The following SUSD4 variants were observed in gnomAD, a reference collection of about 807,000 sequenced individuals.
The protein encoded by SUSD4 is sushi domain containing 4.
Under a neutral mutation model 50.5 loss-of-function variants are expected in SUSD4, and 41 were observed. That is an observed-to-expected ratio of 0.81 (90% confidence interval 0.63 to 1.05). The LOEUF is 1.05. SUSD4 is among the 50% of genes least tolerant of loss of function. The pLI is 0.00. For synonymous variants in SUSD4, 257 were observed against 257.3 expected (o/e 1.00, Z 0.01); for missense variants, 580 against 634.7 (o/e 0.91, Z 0.93).
In SUSD4 at chr1:223,263,846, A is replaced by G. The variant is rs570305658; in HGVS notation, c.724+784T>C. 8.3e-5 allele frequency: 82 copies of G among 985,474 alleles called. No individual in the cohort carries two copies. In the Admixed American group the frequency reaches 1.7e-3, roughly 21 times the overall value. The allele number at this position is 985,474 out of a possible 1,614,324, so 61.0% of individuals were successfully genotyped here. The stretch of plus-strand genomic sequence containing the variant: ...TTGTTTCCCAAACAAGGCTGCAAAT[A>G]GGCTTTGAAGCGGCTCCTGACTTGA... On this transcript the variant is annotated intron_variant, in intron 5 of 8. Coordinates refer to ENST00000366878, the MANE Select transcript of SUSD4 (RefSeq NM_017982.4).
intron 5 of SUSD4, among the ~76,000 whole-genome samples, chr1:223,236,821 G>A (rs976197786): frequency 6.6e-6 from 1 of 152,026 alleles, no homozygotes; most frequent in African/African-American, 2.4e-5. Flanking sequence ...TCAATATTGT[G>A]TTGGCTATTC....
At chr1:223,336,102 C>T (rs768359044) in intron 2 of SUSD4, among the ~76,000 whole-genome samples, 6 of 151,860 alleles carry the variant, frequency 4.0e-5, no homozygotes, top group South Asian at 2.1e-4. Flanking sequence ...GACAGGCATG[C>T]GCCACCACGC....
chr1:223,335,050 C>A (rs1341376652), intron 2 of SUSD4, among the ~76,000 whole-genome samples: 1 of 152,188 alleles, frequency 6.6e-6, no homozygotes, highest in Non-Finnish European at 1.5e-5. Flanking sequence ...TGCCATTAAT[C>A]CATTCCTTTT....
chr1:223,280,969 A>G (rs1312040216), intron 3 of SUSD4, among the ~76,000 whole-genome samples: 4 of 152,226 alleles, frequency 2.6e-5, no homozygotes, highest in African/African-American at 9.6e-5. Context: ...AAACTGAACA[A>G]CCTGCTCCTG....
chr1:223,255,639 T>C (rs1661632978), intron 5 of SUSD4, among the ~76,000 whole-genome samples: 1 of 152,166 alleles, frequency 6.6e-6, no homozygotes, highest in Non-Finnish European at 1.5e-5. Flanking sequence ...AAGCATTACC[T>C]AACCTTGTAT....
chr1:223,289,187 T>C, intron 3 of SUSD4: 1 of 985,406 alleles, frequency 1.0e-6, no homozygotes, highest in Non-Finnish European at 1.2e-6. Flanking sequence ...GGGTCTCCTC[T>C]CCACCATATA....
intron 7 of SUSD4, among the ~76,000 whole-genome samples, chr1:223,225,249 C>T (rs1400833427): frequency 6.6e-6 from 1 of 152,018 alleles, no homozygotes; most frequent in African/African-American, 2.4e-5. Flanking sequence ...GAAGAGAAGA[C>T]CCAGCTGGGT....
chr1:223,311,822 C>G (rs1665894103), intron 2 of SUSD4, among the ~76,000 whole-genome samples: 1 of 152,176 alleles, frequency 6.6e-6, no homozygotes, highest in South Asian at 2.1e-4. Context: ...ACAGAAAAAT[C>G]TGCACTGAGA....
chr1:223,288,659 T>C (rs1313151344), intron 3 of SUSD4, among the ~76,000 whole-genome samples: 1 of 152,188 alleles, frequency 6.6e-6, no homozygotes, highest in Non-Finnish European at 1.5e-5. Flanking sequence ...ACCCAAAAGA[T>C]GCTTAAGTAA....
chr1:223,345,457 G>A (rs1319510806), intron 2 of SUSD4, among the ~76,000 whole-genome samples: 1 of 151,976 alleles, frequency 6.6e-6, no homozygotes, highest in Non-Finnish European at 1.5e-5. Context: ...CTCTGATCAT[G>A]CGCTTATTAA....
At chr1:223,298,744 T>A (rs983668193) in intron 2 of SUSD4, among the ~76,000 whole-genome samples, 1 of 152,206 alleles carries the variant, frequency 6.6e-6, no homozygotes. Context: ...AAATAAATGA[T>A]GAGAGTTTCA....
intron 5 of SUSD4, among the ~76,000 whole-genome samples, chr1:223,251,374 T>C (rs1427514750): frequency 1.3e-5 from 2 of 152,140 alleles, no homozygotes; most frequent in Non-Finnish European, 2.9e-5. Flanking sequence ...CCAGATTTCA[T>C]GTGAACTCAG....
At chr1:223,257,971 C>T (rs1312404185) in intron 5 of SUSD4, among the ~76,000 whole-genome samples, 5 of 152,132 alleles carry the variant, frequency 3.3e-5, no homozygotes, top group East Asian at 1.9e-4. Flanking sequence ...ATTTGTAAAA[C>T]GGGAGCAGCC....
rs191492908 is a variant in SUSD4 at position 223,288,842 on chromosome 1, A to C, written c.361+3597T>G. 1.8e-3 allele frequency among the ~76,000 whole-genome samples: 272 copies of C among 152,262 alleles called. 1 individual carries two copies. The highest frequency in any genetic ancestry group is 0.017 in the Middle Eastern group (5 of 294). Reference sequence around the variant, plus strand: ...TAATTCTTTATGATGTACAAACCGAAGTTCATCACCACACAAAGTCTGACT... The same window carrying C: ...TAATTCTTTATGATGTACAAACCGACGTTCATCACCACACAAAGTCTGACT... On this transcript the variant is annotated intron_variant, in intron 3 of 8. Coordinates refer to ENST00000366878, the MANE Select transcript of SUSD4 (RefSeq NM_017982.4).
chr1:223,362,554 G>T (rs1292792417), intron 2 of SUSD4, among the ~76,000 whole-genome samples: 2 of 152,068 alleles, frequency 1.3e-5, no homozygotes, highest in African/African-American at 4.8e-5. Context: ...AACCAAATAT[G>T]TTATAGATTA....
intron 2 of SUSD4, among the ~76,000 whole-genome samples, chr1:223,329,808 AAATG>A (rs1315111362): frequency 6.6e-6 from 1 of 152,082 alleles, no homozygotes. Flanking sequence ...ATGAATAGAT[AAATG>A]AATGGATGGA....
chr1:223,360,229 C>T (rs1431567485), intron 2 of SUSD4: 2 of 470,774 alleles, frequency 4.2e-6, no homozygotes, highest in East Asian at 7.0e-5. Context: ...GTTGAGCAAA[C>T]TCTTGGCTCT....
At chr1:223,311,257 G>A (rs186125264) in intron 2 of SUSD4, among the ~76,000 whole-genome samples, 4 of 152,186 alleles carry the variant, frequency 2.6e-5, no homozygotes, top group African/African-American at 9.6e-5. Context: ...TGCTGTCAAT[G>A]GAGTTAGTTG....
intron 2 of SUSD4, among the ~76,000 whole-genome samples, chr1:223,362,878 A>G (rs1198511257): frequency 2.6e-5 from 4 of 151,848 alleles, no homozygotes; most frequent in Middle Eastern, 3.2e-3. Context: ...TCTGACCTCT[A>G]TCTGCTGAAG....
Sources: allele counts gnomAD v4.1 joint callset (sites outside exome capture counted in the v4.1 genomes callset), GRCh38; gene constraint gnomAD v4.1.1; transcripts MANE v1.5; gene names NCBI Gene and HGNC (gene_info 2026-07-23, HGNC 2026-07-21).